EPB41L3: variants seen among roughly 807,000 people sequenced by gnomAD.
EPB41L3 encodes erythrocyte membrane protein band 4.1 like 3.
In EPB41L3, 57 loss-of-function variants were observed where a neutral mutation model predicts 127.1. The observed-to-expected ratio is 0.45, with a 90% CI of 0.36 to 0.56. The LOEUF (loss-of-function observed/expected upper bound fraction) is 0.56. Ranked by LOEUF, EPB41L3 falls within the 20% of genes least tolerant of loss-of-function variation. The pLI is 0.00. For missense variants in EPB41L3, 1,273 were observed against 1,372.2 expected, an observed-to-expected ratio of 0.93 and a Z score of 1.14; for synonymous variants, 572 against 549.5, an observed-to-expected ratio of 1.04 and a Z score of -0.57.
intron 13 of EPB41L3, 54 bp downstream of exon 13, chr18:5,415,764 C>A (rs539927952): frequency 1.3e-6 from 2 of 1,537,248 alleles, no homozygotes; most frequent in East Asian, 2.3e-5. Context: ...AACACTGTTT[C>A]GGACTCAAGC....
intron 3 of EPB41L3, among the ~76,000 whole-genome samples, chr18:5,586,028 A>G (rs2094438969): frequency 6.6e-6 from 1 of 152,156 alleles, no homozygotes; most frequent in Non-Finnish European, 1.5e-5. Flanking sequence ...ACTTCCCACC[A>G]TTACTAGCCC....
rs559930223 is a variant in EPB41L3, at chr18:5,504,918, G to A, written c.-11-15724C>T. The stretch of plus-strand genomic sequence containing the variant: ...TTCTAAGTCTCCAGTGCCCTTGAAC[G>A]TGCTGTGCTGCTTCTGTGTTTAGAA... On this transcript the variant is annotated intron_variant, in intron 1 of 22. Transcript: ENST00000341928. Among the ~76,000 whole-genome samples, 5 of 152,124 alleles carry A rather than the reference G, an allele frequency of 3.3e-5. No individual in the cohort carries two copies. The South Asian group carries it at 6.2e-4, about 19-fold the overall frequency.
chr18:5,441,766 G>A (rs922456988), intron 5 of EPB41L3, among the ~76,000 whole-genome samples: 4 of 152,118 alleles, frequency 2.6e-5, no homozygotes, highest in Non-Finnish European at 4.4e-5. Flanking sequence ...GCCCGGCCTC[G>A]AATTCCATTT....
chr18:5,543,813 C>A lies in EPB41L3; in HGVS notation c.-12+100G>T. 1.1e-6 allele frequency: 1 copy of A among 922,676 alleles called. No individual in the cohort carries two copies. Among genetic ancestry groups the A allele is most frequent in the South Asian group, 5.0e-5 (1 of 20,116 alleles). 57.2% of individuals were successfully genotyped at this position (922,676 alleles called of 1,614,324 possible). On this transcript the variant is annotated intron_variant, in intron 1 of 22. Transcript: ENST00000341928. This position sits in a 1 kb window ranked among gnomAD's most constrained non-coding sequence, Gnocchi z 5.2. ...GCGCCGAAGCCACGCGTCAGCCCCA[C>A]TGTCCCGCGCGCCTCGCCCCAGGCC...
At chr18:5,605,073 G>C (rs1344638939) in intron 3 of EPB41L3, among the ~76,000 whole-genome samples, 1 of 152,062 alleles carries the variant, frequency 6.6e-6, no homozygotes, top group Non-Finnish European at 1.5e-5. Flanking sequence ...CATCCAAAAT[G>C]ACTAGTCTCT....
At position 5,543,828 on chromosome 18, in the gene EPB41L3, C is replaced by G; in HGVS notation, c.-12+85G>C. ...GTCAGCCCCACTGTCCCGCGCGCCT[C>G]GCCCCAGGCCTCGGGCTCTTCCTCC... On this transcript the variant is annotated intron_variant, in intron 1 of 22. Coordinates refer to ENST00000341928, the MANE Select transcript of EPB41L3 (RefSeq NM_012307.5). This position sits in a 1 kb window ranked among gnomAD's most constrained non-coding sequence, Gnocchi z 5.2. The G allele has an allele frequency of 2.1e-6, 2 of 964,104 alleles. No homozygotes were observed. The highest frequency in any genetic ancestry group is 2.5e-6 in the Non-Finnish European group (2 of 810,808). 59.7% of individuals were successfully genotyped at this position (964,104 alleles called of 1,614,324 possible).
At chr18:5,462,188 C>T (rs1682121101) in intron 3 of EPB41L3, among the ~76,000 whole-genome samples, 1 of 152,196 alleles carries the variant, frequency 6.6e-6, no homozygotes, top group African/African-American at 2.4e-5. Flanking sequence ...TGTAAAGCTA[C>T]TTCTAATATT....
intron 3 of EPB41L3, among the ~76,000 whole-genome samples, chr18:5,461,314 T>C (rs1392770627): frequency 6.6e-6 from 1 of 152,178 alleles, no homozygotes; most frequent in East Asian, 1.9e-4. Context: ...CCAAACACCA[T>C]AACAAGAACC....
chr18:5,411,146 T>C (rs2076145449), intron 13 of EPB41L3, among the ~76,000 whole-genome samples: 1 of 152,234 alleles, frequency 6.6e-6, no homozygotes, highest in Non-Finnish European at 1.5e-5. Context: ...CATCAGGCTG[T>C]CTGCATTACC....
chr18:5,537,429 G>GA (rs1375022968), intron 1 of EPB41L3, among the ~76,000 whole-genome samples: 2 of 151,910 alleles, frequency 1.3e-5, no homozygotes, highest in African/African-American at 2.4e-5. Context: ...ATCATTGAGA[G>GA]AAAAAAACAT....
intron 3 of EPB41L3, among the ~76,000 whole-genome samples, chr18:5,457,328 T>G (rs960078661): frequency 6.6e-6 from 1 of 152,106 alleles, no homozygotes; most frequent in Non-Finnish European, 1.5e-5. Context: ...CCCTCGGGGC[T>G]GAACTTGAGT....
At chr18:5,491,420 T>C (rs1369994085) in intron 1 of EPB41L3, among the ~76,000 whole-genome samples, 1 of 152,236 alleles carries the variant, frequency 6.6e-6, no homozygotes, top group African/African-American at 2.4e-5. Flanking sequence ...TTTAGTGTTA[T>C]CAGCCTAGTC....
upstream of EPB41L3, among the ~76,000 whole-genome samples, chr18:5,629,273 G>A (rs2094959704): frequency 6.6e-6 from 1 of 152,060 alleles, no homozygotes; most frequent in Non-Finnish European, 1.5e-5. Context: ...TGGAGGAGAG[G>A]AGCCGGCAGC....
chr18:5,407,612 G>T, intron 15 of EPB41L3, 89 bp downstream of exon 15: 1 of 1,391,006 alleles, frequency 7.2e-7, no homozygotes, highest in Non-Finnish European at 1.0e-6. Flanking sequence ...AGAGCATGCT[G>T]AAAGATCTGA....
chr18:5,438,122 GA>G lies in EPB41L3; in HGVS notation c.530-13del, dbSNP rs748524237. 1.1e-5 allele frequency: 18 copies of G among 1,610,814 alleles called. No homozygotes were observed. Among genetic ancestry groups the G allele is most frequent in the Non-Finnish European group, 1.4e-5 (17 of 1,178,968 alleles). On this transcript the variant is annotated splice_polypyrimidine_tract_variant and intron_variant, in intron 5 of 22. Coordinates refer to ENST00000341928, the MANE Select transcript of EPB41L3 (RefSeq NM_012307.5). ...GTGCCAAGCACCACCTGCAAGGATG[GA>G]AAAAAATTAGAGTAAAACCTTGAGA...
chr18:5,555,793 C>T (rs886274761), intron 3 of EPB41L3, among the ~76,000 whole-genome samples: 5 of 152,196 alleles, frequency 3.3e-5, no homozygotes, highest in African/African-American at 9.7e-5. Context: ...CTAGAACTTT[C>T]CAATCCCATT....
intron 1 of EPB41L3, among the ~76,000 whole-genome samples, chr18:5,528,508 T>C (rs2093309602): frequency 6.6e-6 from 1 of 152,094 alleles, no homozygotes; most frequent in South Asian, 2.1e-4. Flanking sequence ...TAGGTCATCA[T>C]CTTTTCAATC....
intron 1 of EPB41L3, among the ~76,000 whole-genome samples, chr18:5,499,616 A>C (rs985467333): frequency 6.6e-6 from 1 of 151,846 alleles, no homozygotes; most frequent in South Asian, 2.1e-4. Flanking sequence ...AATACAAAAA[A>C]ATTAGCCGGG....
intron 3 of EPB41L3, chr18:5,466,173 A>G (rs1275441711): frequency 1.3e-5 from 2 of 152,224 alleles, no homozygotes; most frequent in Admixed American, 6.5e-5. Context: ...AAAATTAACA[A>G]TATCATAAAA....
Sources: allele counts gnomAD v4.1 joint callset (sites outside exome capture counted in the v4.1 genomes callset), GRCh38; gene constraint gnomAD v4.1.1; non-coding constraint Gnocchi (gnomAD v3.1); transcripts MANE v1.5; gene names NCBI Gene and HGNC (gene_info 2026-07-23, HGNC 2026-07-21).